The following SULF1 variants were observed in gnomAD, a reference collection of about 807,000 sequenced individuals.
SULF1 encodes extracellular sulfatase Sulf-1.
In SULF1, 46 loss-of-function variants were observed where a neutral mutation model predicts 110.5. The ratio of observed to expected loss-of-function variants is 0.42; its 90% CI spans 0.33 to 0.53. The LOEUF (loss-of-function observed/expected upper bound fraction) is 0.53. SULF1 is among the 20% of genes least tolerant of loss of function. SULF1 has a pLI of 0.12. For synonymous variants in SULF1, 371 were observed against 387.1 expected, an observed-to-expected ratio of 0.96 and a Z score of 0.49; for missense variants, 941 against 1,094.2, an observed-to-expected ratio of 0.86 and a Z score of 1.98.
chr8:69,603,449 C>A, intron 11 of SULF1, 129 bp downstream of exon 11: 4 of 1,448,042 alleles, frequency 2.8e-6, no homozygotes, highest in Non-Finnish European at 3.9e-6. Flanking sequence ...CCAAGCTGAG[C>A]ATTTCTCAGC....
chr8:69,640,190 GAA>G (rs1027238897), intron 21 of SULF1, among the ~76,000 whole-genome samples: 6 of 150,892 alleles, frequency 4.0e-5, no homozygotes, highest in Admixed American at 6.6e-5. Context: ...AGAAAAGAAA[GAA>G]AGAGAGAGAG....
intron 3 of SULF1, among the ~76,000 whole-genome samples, chr8:69,505,424 T>C (rs1445441793): frequency 6.6e-6 from 1 of 152,200 alleles, no homozygotes; most frequent in Non-Finnish European, 1.5e-5. Flanking sequence ...ACAGCAACTA[T>C]GTTGTTTTTG....
chr8:69,599,588 T>C (rs955792590), intron 8 of SULF1, among the ~76,000 whole-genome samples: 3 of 152,194 alleles, frequency 2.0e-5, no homozygotes, highest in Non-Finnish European at 4.4e-5. Context: ...TATAAAATGG[T>C]TTGCATAATA....
intron 3 of SULF1, among the ~76,000 whole-genome samples, chr8:69,508,048 T>C (rs1203272724): frequency 6.6e-6 from 1 of 152,176 alleles, no homozygotes; most frequent in Non-Finnish European, 1.5e-5. Flanking sequence ...GGATTCCTGC[T>C]ACCCTTATTT....
chr8:69,603,175 C>A lies in SULF1; in HGVS notation c.1062-17C>A. ...CCTGGCATTGGATCTCAGCCATCAC[C>A]GTGTGCCCCTTTACAGAGTCCCACA... On this transcript the variant is annotated splice_polypyrimidine_tract_variant and intron_variant, in intron 10 of 22. Coordinates refer to ENST00000402687, the MANE Select transcript of SULF1 (RefSeq NM_001128205.2). 6.2e-7 allele frequency: 1 copy of A among 1,614,012 alleles called. No homozygotes were observed. Among genetic ancestry groups the A allele is most frequent in the South Asian group, 1.1e-5 (1 of 91,066 alleles).
At chr8:69,534,304 T>A (rs554224106) in intron 3 of SULF1, among the ~76,000 whole-genome samples, 3 of 152,346 alleles carry the variant, frequency 2.0e-5, no homozygotes, top group Middle Eastern at 3.4e-3. Flanking sequence ...TAATATTACA[T>A]CTTTATAGTC....
At chr8:69,608,646 T>A (rs1808410119) in intron 13 of SULF1, among the ~76,000 whole-genome samples, 1 of 151,910 alleles carries the variant, frequency 6.6e-6, no homozygotes, top group South Asian at 2.1e-4. Flanking sequence ...GATTTTACCA[T>A]TGCACTCCAG....
rs868611136 is a variant in SULF1 at position 69,642,412 on chromosome 8, C to T, written c.2585+1571C>T. The T allele has an allele frequency of 2.9e-5, 29 of 986,924 alleles. No individual in the cohort carries two copies. The Middle Eastern group carries it at 2.5e-3, about 87-fold the overall frequency. The allele number at this position is 986,924 out of a possible 1,614,324, so 61.1% of individuals were successfully genotyped here. On this transcript the variant is annotated intron_variant, in intron 22 of 22. Transcript: ENST00000402687. Reference sequence around the variant, plus strand: ...TGTTATAGCCATGTATGTATGTCTTCTTTTTTCTATTTTCTCTTGTTCTTC... The same window carrying T: ...TGTTATAGCCATGTATGTATGTCTTTTTTTTTCTATTTTCTCTTGTTCTTC...
At chr8:69,541,493 T>A (rs1242816126) in intron 3 of SULF1, among the ~76,000 whole-genome samples, 1 of 152,204 alleles carries the variant, frequency 6.6e-6, no homozygotes, top group Non-Finnish European at 1.5e-5. Flanking sequence ...GCATATGATT[T>A]GAGGATGAGG....
intron 3 of SULF1, among the ~76,000 whole-genome samples, chr8:69,535,154 T>C (rs1302908103): frequency 6.6e-6 from 1 of 152,216 alleles, no homozygotes; most frequent in Non-Finnish European, 1.5e-5. Context: ...TTCTGTTTCC[T>C]TCCCTATCTC....
At chr8:69,648,623 A>G (rs1287626587) in intron 22 of SULF1, among the ~76,000 whole-genome samples, 1 of 152,220 alleles carries the variant, frequency 6.6e-6, no homozygotes, top group East Asian at 1.9e-4. Context: ...TACTTTCAGG[A>G]CATTGCACTT....
At chr8:69,486,566 G>A (rs954681579) in intron 1 of SULF1, among the ~76,000 whole-genome samples, 4 of 152,114 alleles carry the variant, frequency 2.6e-5, no homozygotes, top group Non-Finnish European at 4.4e-5. Flanking sequence ...TTGGTAAAGA[G>A]CTAAAAGAAG....
At chr8:69,634,680 G>C (rs1019310066) in intron 19 of SULF1, among the ~76,000 whole-genome samples, 2 of 152,080 alleles carry the variant, frequency 1.3e-5, no homozygotes, top group African/African-American at 4.8e-5. Flanking sequence ...AGAGTCACTT[G>C]AGCCCCAGTG....
intron 6 of SULF1, among the ~76,000 whole-genome samples, chr8:69,582,340 T>C (rs1358464111): frequency 6.6e-6 from 1 of 152,176 alleles, no homozygotes; most frequent in Admixed American, 6.5e-5. Context: ...GAGATTTCCT[T>C]ACACTGCAGG....
At chr8:69,530,560 C>T (rs1003137006) in intron 3 of SULF1, among the ~76,000 whole-genome samples, 1 of 152,144 alleles carries the variant, frequency 6.6e-6, no homozygotes, top group Non-Finnish European at 1.5e-5. Context: ...CTTCTCTCAT[C>T]GATAAAATCA....
chr8:69,640,439 A>G (rs1220532538), intron 21 of SULF1, among the ~76,000 whole-genome samples: 1 of 152,134 alleles, frequency 6.6e-6, no homozygotes, highest in Non-Finnish European at 1.5e-5. Context: ...CCTATGGGAG[A>G]TGATTATTAG....
chr8:69,518,790 C>A (rs1165036188), intron 3 of SULF1, among the ~76,000 whole-genome samples: 2 of 152,126 alleles, frequency 1.3e-5, no homozygotes, highest in Non-Finnish European at 2.9e-5. Flanking sequence ...GGTACAGCCC[C>A]CAGTAATTGT....
intron 3 of SULF1, among the ~76,000 whole-genome samples, chr8:69,513,049 GTGTGT>G (rs1202262178): frequency 6.6e-6 from 1 of 152,074 alleles, no homozygotes; most frequent in Non-Finnish European, 1.5e-5. Flanking sequence ...ATTAGATTCT[GTGTGT>G]TTTTAGACTA....
rs200577478 is a variant in SULF1, at chr8:69,618,410, G to A, written c.1378-2625G>A. On this transcript the variant is annotated intron_variant, in intron 13 of 22. Coordinates refer to ENST00000402687, the MANE Select transcript of SULF1 (RefSeq NM_001128205.2). The stretch of plus-strand genomic sequence containing the variant: ...ATACAGAATAACTACTAATTACATA[G>A]CATTTACATTGTATTAGATATTACA... Among the ~76,000 whole-genome samples the A allele has an allele frequency of 9.2e-5, 14 of 152,244 alleles. No homozygotes were observed. The East Asian group carries it at 2.7e-3, about 29-fold the overall frequency.
Sources: allele counts gnomAD v4.1 joint callset (sites outside exome capture counted in the v4.1 genomes callset), GRCh38; gene constraint gnomAD v4.1.1; transcripts MANE v1.5; gene names NCBI Gene and HGNC (gene_info 2026-07-23, HGNC 2026-07-21).